Variants in DNAH14 observed in about 807,000 individuals in gnomAD.
DNAH14 encodes dynein axonemal heavy chain 14, also known as axonemal beta dynein heavy chain 14.
A neutral mutation model predicts 520.9 loss-of-function variants in DNAH14; 478 were observed. That is an observed-to-expected ratio of 0.92 (90% confidence interval 0.85 to 0.99). The LOEUF is 0.99. Among genes scored for constraint, DNAH14 ranks in the 50% least tolerant of loss-of-function variants. DNAH14 has a pLI of 0.00. For missense variants in DNAH14, 4,831 were observed against 5,234.5 expected, an observed-to-expected ratio of 0.92 and a Z score of 2.38; for synonymous variants, 1,581 against 1,757.2, an observed-to-expected ratio of 0.90 and a Z score of 2.51.
intron 84 of DNAH14, chr1:225,397,584 AG>A (rs1284911151): frequency 6.6e-6 from 1 of 152,314 alleles, no homozygotes; most frequent in Non-Finnish European, 1.5e-5. Context: ...GCACACCTGC[AG>A]GAGAGCATGT....
chr1:225,233,752 T>G (rs1394550951), intron 42 of DNAH14, among the ~76,000 whole-genome samples: 1 of 152,242 alleles, frequency 6.6e-6, no homozygotes, highest in Non-Finnish European at 1.5e-5. Context: ...TTCACTCTAA[T>G]GATAGCTTAT....
intron 27 of DNAH14, among the ~76,000 whole-genome samples, chr1:225,136,116 T>G (rs1010128732): frequency 6.6e-6 from 1 of 152,098 alleles, no homozygotes; most frequent in Non-Finnish European, 1.5e-5. Context: ...CAGCTTGTCA[T>G]TCTGTGTCTT....
chr1:225,211,384 T>C (rs2088386394), intron 41 of DNAH14, among the ~76,000 whole-genome samples: 1 of 151,902 alleles, frequency 6.6e-6, no homozygotes, highest in East Asian at 1.9e-4. Flanking sequence ...ACTGAATAGA[T>C]CAATCAGAAG....
chr1:225,150,178 T>C (rs2080346792), intron 31 of DNAH14, among the ~76,000 whole-genome samples: 1 of 152,194 alleles, frequency 6.6e-6, no homozygotes, highest in Non-Finnish European at 1.5e-5. Context: ...TTTAGTTTTG[T>C]TTATGTAATG....
chr1:225,102,958 C>T (rs891736748), intron 23 of DNAH14, among the ~76,000 whole-genome samples: 1 of 152,108 alleles, frequency 6.6e-6, no homozygotes, highest in Non-Finnish European at 1.5e-5. Flanking sequence ...ACATGAAGTC[C>T]TTGGCCATGC....
intron 35 of DNAH14, among the ~76,000 whole-genome samples, chr1:225,166,513 A>G (rs752364772): frequency 6.6e-6 from 1 of 152,188 alleles, no homozygotes; most frequent in Non-Finnish European, 1.5e-5. Flanking sequence ...GAGTGATCCA[A>G]TTTTTTATTT....
At chr1:225,147,461 C>T (rs2080057199) in intron 31 of DNAH14, among the ~76,000 whole-genome samples, 1 of 152,002 alleles carries the variant, frequency 6.6e-6, no homozygotes, top group Non-Finnish European at 1.5e-5. Flanking sequence ...ACTTTCAGGC[C>T]AACTTAGAAG....
At chr1:225,353,377 T>C (rs1417726443) in intron 72 of DNAH14, among the ~76,000 whole-genome samples, 1 of 152,156 alleles carries the variant, frequency 6.6e-6, no homozygotes, top group Admixed American at 6.6e-5. Flanking sequence ...CATTTGATTC[T>C]CATTTCCCAT....
intron 23 of DNAH14, among the ~76,000 whole-genome samples, chr1:225,111,741 A>C (rs2148822011): frequency 1.3e-5 from 2 of 151,544 alleles, no homozygotes; most frequent in East Asian, 3.9e-4. Flanking sequence ...TTTTTAGTAA[A>C]GGTGATTTTC....
At chr1:225,348,809 T>TAAA (rs2095323727) in intron 71 of DNAH14, among the ~76,000 whole-genome samples, 1 of 152,160 alleles carries the variant, frequency 6.6e-6, no homozygotes, top group Non-Finnish European at 1.5e-5. Flanking sequence ...AAGGTAAATA[T>TAAA]GTGGATAAAG....
chr1:225,335,386 C>G (rs569228395), intron 66 of DNAH14, among the ~76,000 whole-genome samples: 8 of 89,286 alleles, frequency 9.0e-5, no homozygotes, highest in South Asian at 4.4e-4. Context: ...TGTATATGCA[C>G]ATATACACAT....
At chr1:225,183,684 CAAA>C (rs35980443) in intron 36 of DNAH14, among the ~76,000 whole-genome samples, 1 of 96,090 alleles carries the variant, frequency 1.0e-5, no homozygotes. Context: ...GGTAGATTAA[CAAA>C]AAAAAAAAAA....
At chr1:225,173,224 A>G (rs1415505106) in intron 36 of DNAH14, among the ~76,000 whole-genome samples, 1 of 152,224 alleles carries the variant, frequency 6.6e-6, no homozygotes, top group Non-Finnish European at 1.5e-5. Flanking sequence ...CTAAAACAAC[A>G]AAAGCAATGG....
intron 41 of DNAH14, among the ~76,000 whole-genome samples, chr1:225,208,946 T>G (rs2087964349): frequency 6.6e-6 from 1 of 152,210 alleles, no homozygotes; most frequent in Non-Finnish European, 1.5e-5. Context: ...ATTGACCTTC[T>G]TATAGTTTTC....
intron 1 of DNAH14, among the ~76,000 whole-genome samples, chr1:224,932,341 A>G (rs1337360383): frequency 2.0e-5 from 3 of 151,806 alleles, no homozygotes; most frequent in African/African-American, 7.3e-5. Context: ...AGTTCCTTGT[A>G]TATTATGGAT....
At chr1:224,970,904 A>G (rs965969148) in intron 7 of DNAH14, among the ~76,000 whole-genome samples, 9 of 152,220 alleles carry the variant, frequency 5.9e-5, no homozygotes, top group Non-Finnish European at 1.0e-4. Flanking sequence ...GCATTATTCT[A>G]GATGCCAGGG....
At chr1:225,145,284 G>A in intron 29 of DNAH14, 42 bp from the exon 30 acceptor site, 1 of 1,473,040 alleles carries the variant, frequency 6.8e-7, no homozygotes, top group Non-Finnish European at 9.2e-7. Flanking sequence ...AGTATTTTGT[G>A]TCATAATTCA....
chr1:225,190,631 C>T (rs1573864621), intron 37 of DNAH14, among the ~76,000 whole-genome samples: 1 of 152,030 alleles, frequency 6.6e-6, no homozygotes, highest in East Asian at 1.9e-4. Context: ...ACAGCAGGCC[C>T]TAATCCAATT....
chr1:225,309,531 T>G (rs949340152), intron 60 of DNAH14, among the ~76,000 whole-genome samples: 4 of 152,122 alleles, frequency 2.6e-5, no homozygotes, highest in Non-Finnish European at 4.4e-5. Flanking sequence ...GTGCCACCTA[T>G]CTCACTGAGT....
Sources: gnomAD v4.1 joint callset for allele counts (sites outside exome capture counted in the v4.1 genomes callset) on GRCh38, gnomAD v4.1.1 for gene constraint, MANE v1.5 for transcripts, NCBI Gene and HGNC (gene_info 2026-07-23, HGNC 2026-07-21) for gene names.